Variants in HAUS6 observed in about 807,000 individuals in gnomAD.
HAUS6 encodes HAUS augmin like complex subunit 6.
HAUS6 carries 80 observed loss-of-function variants against 106.8 expected under a neutral mutation model. The observed-to-expected ratio is 0.75, with a 90% confidence interval of 0.63 to 0.90. The LOEUF is 0.90. Ranked by LOEUF, HAUS6 falls within the 40% of genes least tolerant of loss-of-function variation. HAUS6 has a pLI of 0.00. For synonymous variants in HAUS6, 356 were observed against 379.1 expected (o/e 0.94, Z 0.71); for missense variants, 1,155 against 1,118.1 (o/e 1.03, Z -0.47).
intron 11 of HAUS6, chr9:19,073,987 C>A (rs1346592576): frequency 1.3e-5 from 2 of 152,152 alleles, no homozygotes; most frequent in African/African-American, 2.4e-5. Context: ...GTGGCTCACA[C>A]CTGTAATCCC....
At chr9:19,072,414 T>G (rs917059399) in intron 11 of HAUS6, among the ~76,000 whole-genome samples, 2 of 150,252 alleles carry the variant, frequency 1.3e-5, no homozygotes, top group Non-Finnish European at 3.0e-5. Context: ...ATGGGAAGCT[T>G]AGGCAGAAGA....
At chr9:19,078,155 G>C (rs777955342) in intron 10 of HAUS6, 21 bp downstream of exon 10, 2 of 1,586,702 alleles carry the variant, frequency 1.3e-6, no homozygotes, top group Admixed American at 1.8e-5. Flanking sequence ...GGGAGGGCAG[G>C]GGCAAGTCAA....
intron 7 of HAUS6, among the ~76,000 whole-genome samples, chr9:19,085,990 T>TC (rs1416013275): frequency 6.8e-6 from 1 of 146,566 alleles, no homozygotes; most frequent in African/African-American, 2.6e-5. Context: ...CCTATGAGTT[T>TC]TAAAAAAAAA....
intron 4 of HAUS6, among the ~76,000 whole-genome samples, chr9:19,090,428 G>A (rs1357508647): frequency 6.6e-6 from 1 of 152,106 alleles, no homozygotes; most frequent in Non-Finnish European, 1.5e-5. Context: ...GCAGTGGCGT[G>A]ATCTCGGCTC....
At chr9:19,062,158 AG>A (rs959458661) in intron 14 of HAUS6, among the ~76,000 whole-genome samples, 1 of 152,246 alleles carries the variant, frequency 6.6e-6, no homozygotes, top group African/African-American at 2.4e-5. Context: ...AGTAAAAAGC[AG>A]AATAGTGTTA....
At chr9:19,086,683 G>T in intron 7 of HAUS6, 51 bp downstream of exon 7, 1 of 795,734 alleles carries the variant, frequency 1.3e-6, no homozygotes, top group Non-Finnish European at 2.1e-6. Context: ...CAAACACTGC[G>T]TATCACAGAA....
Position 19,102,560 on chromosome 9 carries a change from G to C in HAUS6, c.92C>G (p.Ala31Gly). The C allele has an allele frequency of 6.2e-7, 1 of 1,613,874 alleles. No homozygotes were observed. The highest frequency in any genetic ancestry group is 8.5e-7 in the Non-Finnish European group (1 of 1,179,856). ...LGFEPGPATI[A>G]CGKIVSHTHL... ...CGTGTGCGACACGATCTTTCCGCAG[G>C]CAATGGTTGCCGGGCCTGGCTCGAA... Residue 31 changes from alanine to glycine, a missense_variant, in exon 1 of 17, where the codon GCC becomes GGC. Transcript: ENST00000380502.
At chr9:19,098,817 G>C (rs536156254) in intron 1 of HAUS6, among the ~76,000 whole-genome samples, 1 of 152,202 alleles carries the variant, frequency 6.6e-6, no homozygotes, top group East Asian at 1.9e-4. Context: ...GAGGTCGGGA[G>C]TTCGAGACCA....
At chr9:19,085,553 C>A (rs1255401903) in intron 7 of HAUS6, among the ~76,000 whole-genome samples, 1 of 151,742 alleles carries the variant, frequency 6.6e-6, no homozygotes, top group Non-Finnish European at 1.5e-5. Flanking sequence ...CAAATTTATA[C>A]CCACAGCAGC....
intron 4 of HAUS6, among the ~76,000 whole-genome samples, chr9:19,090,314 T>A (rs1044652273): frequency 1.3e-5 from 2 of 152,192 alleles, no homozygotes; most frequent in Admixed American, 1.3e-4. Context: ...GTGTATTTAT[T>A]TATAGATACC....
chr9:19,074,259 A>G (rs1004007192), intron 11 of HAUS6, among the ~76,000 whole-genome samples: 1 of 152,128 alleles, frequency 6.6e-6, no homozygotes, highest in African/African-American at 2.4e-5. Flanking sequence ...AAAAATCAAA[A>G]AAATTTAAGA....
Position 19,070,239 on chromosome 9 carries a change from C to T in HAUS6, c.1356G>A (p.Ala452=), listed in dbSNP as rs143282588. The T allele has an allele frequency of 1.6e-4, 249 of 1,585,830 alleles. No individual in the cohort carries two copies. The highest frequency in any genetic ancestry group is 5.8e-4 in the South Asian group (52 of 90,342). The change falls in exon 12 of 17, where the codon GCG becomes GCA. Residue 452 remains alanine (A), a synonymous_variant. Transcript: ENST00000380502. ...TTTACCTGTTGGCTAGATCATGTAG[C>T]GCTCCCAAGGTATCACTGTCTCCTC... The part of the protein sequence containing the change: ...GCRGDSDTLG[A]LHDLANSPAS...
chr9:19,077,800 C>T (rs1014001818), intron 10 of HAUS6, among the ~76,000 whole-genome samples: 2 of 152,158 alleles, frequency 1.3e-5, no homozygotes, highest in African/African-American at 4.8e-5. Context: ...TGGCTCATGC[C>T]TGTAATCCCA....
At chr9:19,099,409 G>A (rs950112239) in intron 1 of HAUS6, among the ~76,000 whole-genome samples, 2 of 151,988 alleles carry the variant, frequency 1.3e-5, no homozygotes, top group Non-Finnish European at 2.9e-5. Context: ...CTCGTGATCC[G>A]CCCATCTCGG....
chr9:19,102,788 C>T lies in HAUS6; in HGVS notation c.-137G>A. ...TGCCAACGCCTGCTCCTTTCACGCC[C>T]AGAGCGATTTCGCCTCAAAGGGCCT... On this transcript the variant is annotated 5_prime_UTR_variant, in exon 1 of 17. Coordinates refer to ENST00000380502, the MANE Select transcript of HAUS6 (RefSeq NM_017645.5). 1 of 805,856 alleles carries T rather than the reference C, an allele frequency of 1.2e-6. No individual in the cohort carries two copies. The highest frequency in any genetic ancestry group is 1.9e-6 in the Non-Finnish European group (1 of 527,088). The allele number at this position is 805,856 out of a possible 1,614,324, so 49.9% of individuals were successfully genotyped here.
intron 1 of HAUS6, among the ~76,000 whole-genome samples, chr9:19,098,676 T>C (rs1361263690): frequency 6.6e-6 from 1 of 151,998 alleles, no homozygotes; most frequent in Non-Finnish European, 1.5e-5. Flanking sequence ...CTGCAAACCT[T>C]TTGGGCAAAT....
chr9:19,086,364 T>C (rs1040350955), intron 7 of HAUS6, among the ~76,000 whole-genome samples: 21 of 151,744 alleles, frequency 1.4e-4, no homozygotes, highest in Admixed American at 1.3e-3. Flanking sequence ...CTCATGCCTG[T>C]AATCCCAGCA....
intron 4 of HAUS6, among the ~76,000 whole-genome samples, chr9:19,091,590 G>A (rs978001234): frequency 6.6e-6 from 1 of 151,946 alleles, no homozygotes; most frequent in Non-Finnish European, 1.5e-5. Flanking sequence ...CAAGGTGGCA[G>A]GATTACTTGA....
intron 14 of HAUS6, among the ~76,000 whole-genome samples, chr9:19,061,057 G>C (rs556823363): frequency 4.6e-5 from 7 of 152,228 alleles, no homozygotes; most frequent in Non-Finnish European, 8.8e-5. Context: ...CCAGCTACTC[G>C]GTAGGCTGCA....
Sources: allele counts gnomAD v4.1 joint callset (sites outside exome capture counted in the v4.1 genomes callset), GRCh38; gene constraint gnomAD v4.1.1; transcripts MANE v1.5; gene names NCBI Gene and HGNC (gene_info 2026-07-23, HGNC 2026-07-21).